Variants in JMJD1C observed in about 807,000 individuals in gnomAD.
The protein encoded by JMJD1C is jumonji domain-containing protein 1C.
In JMJD1C, 31 loss-of-function variants were observed where a neutral mutation model predicts 245.3. The observed-to-expected ratio is 0.13, with a 90% CI of 0.09 to 0.17. The LOEUF (loss-of-function observed/expected upper bound fraction) is 0.17. Among genes scored for constraint, JMJD1C ranks in the 10% least tolerant of loss-of-function variants. The probability of loss-of-function intolerance (pLI) is 1.00; values close to 1 mark genes in which losing one functional copy is unlikely to be tolerated. For missense variants in JMJD1C, 2,691 were observed against 3,000.2 expected, an observed-to-expected ratio of 0.90 and a Z score of 2.41; for synonymous variants, 1,057 against 1,017.4, an observed-to-expected ratio of 1.04 and a Z score of -0.74.
intron 3 of JMJD1C, among the ~76,000 whole-genome samples, chr10:63,264,053 T>C (rs1855210666): frequency 6.6e-6 from 1 of 150,420 alleles, no homozygotes; most frequent in South Asian, 2.1e-4. Flanking sequence ...ACTGGTAATT[T>C]CAACAATCTT....
At chr10:63,410,406 G>T (rs1264121697) in intron 1 of JMJD1C, among the ~76,000 whole-genome samples, 1 of 152,110 alleles carries the variant, frequency 6.6e-6, no homozygotes, top group Admixed American at 6.5e-5. Flanking sequence ...TAACAGAAAA[G>T]GTTACTGTTA....
In JMJD1C at chr10:63,214,346, A is replaced by G. The variant is rs1280059059; in HGVS notation, c.1821T>C (p.Ser607=). The part of the protein sequence containing the change: ...VSYISPLSAV[S]VMEDKLHKRS... ...GCTTATGCAGCTTATCTTCCATGAC[A>G]GAAACTGCACTTAAAGGAGAAATGT... The change falls in exon 8 of 26, where the codon TCT becomes TCC. Residue 607 remains serine, a synonymous_variant. Transcript: ENST00000399262. 8.1e-6 allele frequency: 13 copies of G among 1,614,108 alleles called. No homozygotes were observed. The highest frequency in any genetic ancestry group is 1.1e-5 in the Non-Finnish European group (13 of 1,180,016).
chr10:63,396,113 TA>T (rs1358682779), intron 1 of JMJD1C, among the ~76,000 whole-genome samples: 1 of 152,024 alleles, frequency 6.6e-6, no homozygotes, highest in Non-Finnish European at 1.5e-5. Context: ...AGAATTTATA[TA>T]AAAAAGTTAA....
chr10:63,343,919 T>A lies in JMJD1C; in HGVS notation c.333+36399A>T, dbSNP rs532993512. On this transcript the variant is annotated intron_variant, in intron 2 of 25. Transcript: ENST00000399262. The stretch of plus-strand genomic sequence containing the variant: ...CAGGTGTGGTGGTGTGTGCCTGTAC[T>A]CCCAGCTACTTGGGAGGCTGAGGTG... 2.0e-5 allele frequency among the ~76,000 whole-genome samples: 3 copies of A among 152,156 alleles called. No individual in the cohort carries two copies. The South Asian group carries it at 6.2e-4, about 32-fold the overall frequency.
At chr10:63,402,279 T>A (rs888132426) in intron 1 of JMJD1C, among the ~76,000 whole-genome samples, 1 of 152,082 alleles carries the variant, frequency 6.6e-6, no homozygotes, top group Non-Finnish European at 1.5e-5. Flanking sequence ...AAACCATAAT[T>A]TACATATAAA....
chr10:63,298,675 G>A (rs1859713919), intron 2 of JMJD1C, among the ~76,000 whole-genome samples: 3 of 152,114 alleles, frequency 2.0e-5, no homozygotes, highest in Admixed American at 1.3e-4. Flanking sequence ...ATTTCAACCC[G>A]TAACATATCT....
chr10:63,226,241 A>AG (rs1849264289), intron 3 of JMJD1C, among the ~76,000 whole-genome samples: 1 of 152,218 alleles, frequency 6.6e-6, no homozygotes, highest in South Asian at 2.1e-4. Flanking sequence ...GAGGAGACTT[A>AG]GGGTGGCAAA....
rs1253580154 is a variant in JMJD1C, at chr10:63,272,554, G to T, written c.334-7790C>A. Among the ~76,000 whole-genome samples the T allele has an allele frequency of 2.6e-5, 4 of 152,172 alleles. No individual in the cohort carries two copies. In the East Asian group the frequency reaches 7.7e-4, roughly 29 times the overall value. ...GGCATGAGCCACTGCTCCCAGCCAAGGTAACTTTAGAACGAAGTGTTTTTA... is the reference window on the plus strand; with the variant it reads ...GGCATGAGCCACTGCTCCCAGCCAATGTAACTTTAGAACGAAGTGTTTTTA... On this transcript the variant is annotated intron_variant, in intron 2 of 25. Coordinates refer to ENST00000399262, the MANE Select transcript of JMJD1C (RefSeq NM_032776.3).
At chr10:63,417,412 T>C (rs1949872438) in intron 1 of JMJD1C, among the ~76,000 whole-genome samples, 1 of 152,218 alleles carries the variant, frequency 6.6e-6, no homozygotes, top group South Asian at 2.1e-4. Flanking sequence ...ATGTATATTA[T>C]GGCTATAAAG....
intron 2 of JMJD1C, among the ~76,000 whole-genome samples, chr10:63,269,997 T>C (rs959609741): frequency 1.3e-5 from 2 of 152,134 alleles, no homozygotes; most frequent in Non-Finnish European, 2.9e-5. Flanking sequence ...AATTAAGAGG[T>C]ATCTCATGAA....
chr10:63,442,413 G>A (rs375364281), intron 1 of JMJD1C, among the ~76,000 whole-genome samples: 80 of 152,254 alleles, frequency 5.3e-4, no homozygotes, highest in African/African-American at 1.9e-3. Context: ...ATTCATATTT[G>A]TTTCAGATTT....
At chr10:63,259,683 T>A (rs1370932635) in intron 3 of JMJD1C, among the ~76,000 whole-genome samples, 1 of 152,198 alleles carries the variant, frequency 6.6e-6, no homozygotes, top group Non-Finnish European at 1.5e-5. Flanking sequence ...TACTAGACAA[T>A]GTGTGAGTCT....
At chr10:63,303,698 T>C (rs558414253) in intron 2 of JMJD1C, among the ~76,000 whole-genome samples, 2 of 152,230 alleles carry the variant, frequency 1.3e-5, no homozygotes, top group African/African-American at 4.8e-5. Context: ...TGTACTGTTA[T>C]GTCACTTTGT....
At chr10:63,218,066 TTAAC>T (rs1403315908) in intron 4 of JMJD1C, among the ~76,000 whole-genome samples, 1 of 150,984 alleles carries the variant, frequency 6.6e-6, no homozygotes, top group African/African-American at 2.5e-5. Context: ...ATCAAATACT[TTAAC>T]AAAGAACTGT....
At chr10:63,355,755 A>G (rs1944785512) in intron 2 of JMJD1C, among the ~76,000 whole-genome samples, 1 of 152,004 alleles carries the variant, frequency 6.6e-6, no homozygotes. Context: ...AAAAAAAAAA[A>G]GGTAATGTGT....
intron 24 of JMJD1C, among the ~76,000 whole-genome samples, chr10:63,175,260 T>G (rs1842776921): frequency 6.6e-6 from 1 of 152,166 alleles, no homozygotes; most frequent in Non-Finnish European, 1.5e-5. Context: ...AATCCCAGAT[T>G]AAACATGAAA....
At chr10:63,238,378 G>A (rs1371742607) in intron 3 of JMJD1C, among the ~76,000 whole-genome samples, 2 of 151,638 alleles carry the variant, frequency 1.3e-5, no homozygotes, top group Non-Finnish European at 2.9e-5. Context: ...AAAAAGGGAA[G>A]AGAACATAAA....
At chr10:63,308,183 C>CTG (rs1230159906) in intron 2 of JMJD1C, among the ~76,000 whole-genome samples, 1 of 152,044 alleles carries the variant, frequency 6.6e-6, no homozygotes, top group African/African-American at 2.4e-5. Context: ...AATTAAATGA[C>CTG]TGTATGCATA....
Position 63,465,748 on chromosome 10 carries a change from A to C in JMJD1C, c.-86T>G. The C allele has an allele frequency of 6.7e-7, 1 of 1,485,356 alleles. No homozygotes were observed. The highest frequency in any genetic ancestry group is 9.2e-7 in the Non-Finnish European group (1 of 1,083,944). 92.0% of individuals were successfully genotyped at this position (1,485,356 alleles called of 1,614,324 possible). A position where few individuals can be genotyped will look rare whatever the true frequency, so the allele number is the denominator to read the frequency against. ...CTCCTACCGGCCGCTCATGCTGAGG[A>C]GAGCGGACCGGGACACAGCAGCGGA... On this transcript the variant is annotated 5_prime_UTR_variant, in exon 1 of 26. Coordinates refer to ENST00000399262, the MANE Select transcript of JMJD1C (RefSeq NM_032776.3).
Sources: gnomAD v4.1 joint callset for allele counts (sites outside exome capture counted in the v4.1 genomes callset) on GRCh38, gnomAD v4.1.1 for gene constraint, MANE v1.5 for transcripts, NCBI Gene and HGNC (gene_info 2026-07-23, HGNC 2026-07-21) for gene names.